Variants in CREB5 observed in about 807,000 individuals in gnomAD.
CREB5 encodes cyclic AMP-responsive element-binding protein 5.
In CREB5, 19 loss-of-function variants were observed where a neutral mutation model predicts 57.1. The observed-to-expected ratio is 0.33, with a 90% CI of 0.23 to 0.49. The LOEUF (loss-of-function observed/expected upper bound fraction) is 0.49, where lower values mean the gene tolerates loss of function less well. Among genes scored for constraint, CREB5 ranks in the 20% least tolerant of loss-of-function variants. The pLI is 0.99. For synonymous variants in CREB5, 238 were observed against 238.3 expected (o/e 1.00, Z 0.01); for missense variants, 579 against 671.6 (o/e 0.86, Z 1.52).
At chr7:28,762,219 C>T (rs1011918045) in intron 7 of CREB5, among the ~76,000 whole-genome samples, 5 of 152,154 alleles carry the variant, frequency 3.3e-5, no homozygotes, top group African/African-American at 1.2e-4. Flanking sequence ...GGTCGATGAA[C>T]TTCAAACCCC....
chr7:28,454,892 G>T (rs571583383), intron 1 of CREB5, among the ~76,000 whole-genome samples: 2 of 152,230 alleles, frequency 1.3e-5, no homozygotes, highest in South Asian at 4.1e-4. Flanking sequence ...ACTGGTACCC[G>T]CTTCCACATG....
intron 5 of CREB5, among the ~76,000 whole-genome samples, chr7:28,693,860 A>C (rs1801402276): frequency 6.6e-6 from 1 of 152,216 alleles, no homozygotes; most frequent in Admixed American, 6.5e-5. Context: ...TTTGGGCATT[A>C]ATAATGTAGA....
intron 7 of CREB5, among the ~76,000 whole-genome samples, chr7:28,765,622 C>T (rs1174173399): frequency 6.6e-6 from 1 of 152,104 alleles, no homozygotes; most frequent in African/African-American, 2.4e-5. Flanking sequence ...AGAGGGCTAG[C>T]ACCAGCAATA....
At chr7:28,356,962 C>A (rs1474837835) in intron 1 of CREB5, among the ~76,000 whole-genome samples, 1 of 152,188 alleles carries the variant, frequency 6.6e-6, no homozygotes, top group Non-Finnish European at 1.5e-5. Context: ...AAACAACCAG[C>A]AACTCTACCA....
chr7:28,694,982 C>T (rs528415338), intron 5 of CREB5, among the ~76,000 whole-genome samples: 54 of 152,268 alleles, frequency 3.5e-4, no homozygotes, highest in African/African-American at 1.2e-3. Flanking sequence ...GCATGCAATT[C>T]GGGAGGCCAA....
chr7:28,603,383 T>C (rs1796995690), intron 5 of CREB5, among the ~76,000 whole-genome samples: 2 of 152,248 alleles, frequency 1.3e-5, no homozygotes, highest in Admixed American at 6.5e-5. Context: ...GTATGTTTGT[T>C]TTGATCACGG....
intron 1 of CREB5, among the ~76,000 whole-genome samples, chr7:28,363,239 C>G (rs1438778212): frequency 1.3e-5 from 2 of 152,166 alleles, no homozygotes; most frequent in Non-Finnish European, 2.9e-5. Context: ...CCCTGTCTTT[C>G]CCTAACATGG....
At chr7:28,499,676 C>T (rs934534847) in intron 3 of CREB5, among the ~76,000 whole-genome samples, 2 of 152,236 alleles carry the variant, frequency 1.3e-5, no homozygotes, top group African/African-American at 4.8e-5. Flanking sequence ...CTCTGCTTCC[C>T]GGGTTCAAGT....
intron 5 of CREB5, among the ~76,000 whole-genome samples, chr7:28,627,450 G>T (rs996559426): frequency 3.3e-5 from 5 of 152,146 alleles, no homozygotes; most frequent in Non-Finnish European, 1.5e-5. Flanking sequence ...CATTTCTTCT[G>T]GGGTGGAGCC....
In CREB5 at chr7:28,652,862, T is replaced by C. The variant is rs558644311; in HGVS notation, c.465-65891T>C. Reference sequence around the variant, plus strand: ...TCTTTTAAGTACAAGGAAACTCTGATTCAATAAAAGATGATTAGTGACCAG... The same window carrying C: ...TCTTTTAAGTACAAGGAAACTCTGACTCAATAAAAGATGATTAGTGACCAG... On this transcript the variant is annotated intron_variant, in intron 5 of 10. Transcript: ENST00000357727. 5.9e-5 allele frequency among the ~76,000 whole-genome samples: 9 copies of C among 152,342 alleles called. 1 individual carries two copies. The South Asian group carries it at 1.9e-3, about 32-fold the overall frequency.
intron 4 of CREB5, among the ~76,000 whole-genome samples, chr7:28,553,863 C>T (rs1336459360): frequency 6.6e-6 from 1 of 152,204 alleles, no homozygotes; most frequent in Non-Finnish European, 1.5e-5. Context: ...TGTCCTCAGG[C>T]TTCTGTGGTC....
intron 1 of CREB5, among the ~76,000 whole-genome samples, chr7:28,301,844 C>G (rs562907425): frequency 6.6e-6 from 1 of 152,110 alleles, no homozygotes; most frequent in Non-Finnish European, 1.5e-5. Context: ...GTGACAGAAA[C>G]AATTGTTTAA....
chr7:28,477,020 C>G (rs1005286696), intron 1 of CREB5, among the ~76,000 whole-genome samples: 2 of 152,226 alleles, frequency 1.3e-5, no homozygotes, highest in African/African-American at 4.8e-5. Context: ...AGCCTTCATT[C>G]TCCTAGCATG....
chr7:28,594,812 G>A (rs1375513461), intron 5 of CREB5, among the ~76,000 whole-genome samples: 2 of 152,046 alleles, frequency 1.3e-5, no homozygotes, highest in East Asian at 3.9e-4. Flanking sequence ...ATACATGTGA[G>A]GCCCAGCTAA....
intron 1 of CREB5, among the ~76,000 whole-genome samples, chr7:28,329,330 T>G (rs1785670056): frequency 6.6e-6 from 1 of 152,184 alleles, no homozygotes; most frequent in Non-Finnish European, 1.5e-5. Flanking sequence ...GATCACAGAC[T>G]GAGGTAGAGG....
At chr7:28,576,004 G>A (rs1795896159) in intron 5 of CREB5, among the ~76,000 whole-genome samples, 1 of 152,228 alleles carries the variant, frequency 6.6e-6, no homozygotes, top group Non-Finnish European at 1.5e-5. Context: ...GTCAGATGAA[G>A]GGGGTAGAGC....
intron 9 of CREB5, among the ~76,000 whole-genome samples, chr7:28,816,809 G>A (rs1246091025): frequency 2.6e-5 from 4 of 152,186 alleles, no homozygotes; most frequent in African/African-American, 9.6e-5. Flanking sequence ...TTTTCGGTGT[G>A]CATGCATTTT....
At chr7:28,538,115 G>A (rs771866853) in intron 4 of CREB5, among the ~76,000 whole-genome samples, 1 of 152,050 alleles carries the variant, frequency 6.6e-6, no homozygotes, top group African/African-American at 2.4e-5. Flanking sequence ...GTGCAGTGGC[G>A]CGATCTCTGC....
At chr7:28,736,369 A>G (rs1454959340) in intron 7 of CREB5, among the ~76,000 whole-genome samples, 1 of 151,566 alleles carries the variant, frequency 6.6e-6, no homozygotes, top group East Asian at 1.9e-4. Context: ...GGGTTTCTCC[A>G]TGTTGTTCAG....
Sources: allele counts gnomAD v4.1 joint callset (sites outside exome capture counted in the v4.1 genomes callset), GRCh38; gene constraint gnomAD v4.1.1; transcripts MANE v1.5; gene names NCBI Gene and HGNC (gene_info 2026-07-23, HGNC 2026-07-21).